DCC: variants seen among roughly 807,000 people sequenced by gnomAD.
DCC encodes the protein netrin receptor DCC.
In DCC, 58 loss-of-function variants were observed where a neutral mutation model predicts 172.5. The ratio of observed to expected loss-of-function variants is 0.34; its 90% confidence interval spans 0.27 to 0.42. The LOEUF (loss-of-function observed/expected upper bound fraction) is 0.42. Among genes scored for constraint, DCC ranks in the 10% least tolerant of loss-of-function variants. The pLI is 1.00. For missense variants in DCC, 1,740 were observed against 1,791.0 expected, an observed-to-expected ratio of 0.97 and a Z score of 0.51; for synonymous variants, 709 against 644.5, an observed-to-expected ratio of 1.10 and a Z score of -1.52.
At chr18:52,350,051 C>A (rs1163837512) in intron 1 of DCC, among the ~76,000 whole-genome samples, 1 of 152,192 alleles carries the variant, frequency 6.6e-6, no homozygotes, top group East Asian at 1.9e-4. Context: ...GAAGGACTAT[C>A]AATGCCTAAT....
In DCC at chr18:52,340,801, T is replaced by G; in HGVS notation, c.14T>G (p.Leu5Arg). The G allele has an allele frequency of 6.2e-7, 1 of 1,614,006 alleles. No individual in the cohort carries two copies. Among genetic ancestry groups the G allele is most frequent in the Non-Finnish European group, 8.5e-7 (1 of 1,179,918 alleles). Reference sequence around the variant, plus strand: ...GTTGGCTGAAATATGGAGAATAGTCTTAGATGTGTTTGGGTACCCAAGCTG... The same window carrying G: ...GTTGGCTGAAATATGGAGAATAGTCGTAGATGTGTTTGGGTACCCAAGCTG... MENS[L>R]RCVWVPKLAF... is the part of the protein sequence containing the mutation. The change falls in exon 1 of 29, where the codon CTT (leucine) becomes CGT (arginine). Residue 5 changes from leucine to arginine, a missense_variant. Around this residue, in one of 2 missense-constraint regions of DCC, gnomAD observed 1,732 missense variants for 1,767.4 expected, o/e 0.98. Coordinates refer to ENST00000442544, the MANE Select transcript of DCC (RefSeq NM_005215.4).
At chr18:52,717,883 T>C (rs1420054411) in intron 1 of DCC, among the ~76,000 whole-genome samples, 2 of 152,188 alleles carry the variant, frequency 1.3e-5, no homozygotes, top group African/African-American at 4.8e-5. Context: ...TTAGTGCCAC[T>C]GAAAGATACA....
chr18:52,381,176 A>G (rs1488485524), intron 1 of DCC, among the ~76,000 whole-genome samples: 1 of 152,156 alleles, frequency 6.6e-6, no homozygotes, highest in Admixed American at 6.5e-5. Context: ...TCAAGTTTGA[A>G]CTATAGTGAT....
chr18:52,458,711 A>G (rs948628012), intron 1 of DCC, among the ~76,000 whole-genome samples: 2 of 152,224 alleles, frequency 1.3e-5, no homozygotes, highest in East Asian at 1.9e-4. Flanking sequence ...AGATGCTGGC[A>G]TAAAAGTCTA....
At position 52,384,097 on chromosome 18, in the gene DCC, T is replaced by C. The variant is rs532935902; in HGVS notation, c.91+43219T>C. ...CCTATTTGTCTTCTCAATTATCTAATTGAGAATAATAAATTTCTTATGACT... is the reference window on the plus strand; with the variant it reads ...CCTATTTGTCTTCTCAATTATCTAACTGAGAATAATAAATTTCTTATGACT... On this transcript the variant is annotated intron_variant, in intron 1 of 28. Coordinates refer to ENST00000442544, the MANE Select transcript of DCC (RefSeq NM_005215.4). Among the ~76,000 whole-genome samples the C allele has an allele frequency of 4.6e-4, 70 of 152,250 alleles. No individual in the cohort carries two copies. In the East Asian group the frequency reaches 0.012, roughly 26 times the overall value.
chr18:53,357,874 C>A (rs1190519413), intron 15 of DCC, among the ~76,000 whole-genome samples: 1 of 152,062 alleles, frequency 6.6e-6, no homozygotes, highest in Non-Finnish European at 1.5e-5. Flanking sequence ...GCTGTATAAG[C>A]CATTCTAGAA....
chr18:53,222,383 C>CT (rs67373546), intron 12 of DCC, among the ~76,000 whole-genome samples: 36,093 of 103,922 alleles, frequency 0.35, 6,780 homozygotes, highest in Non-Finnish European at 0.45. Flanking sequence ...TTTCTTTTTT[C>CT]TTTTTTTTTT....
intron 5 of DCC, among the ~76,000 whole-genome samples, chr18:52,972,800 T>C (rs942563829): frequency 1.3e-5 from 2 of 152,188 alleles, no homozygotes; most frequent in Non-Finnish European, 2.9e-5. Flanking sequence ...ACATACTATT[T>C]ATTTGGTGCT....
At chr18:52,595,910 G>A (rs1415058981) in intron 1 of DCC, among the ~76,000 whole-genome samples, 1 of 152,116 alleles carries the variant, frequency 6.6e-6, no homozygotes, top group Non-Finnish European at 1.5e-5. Context: ...TCCACCATGA[G>A]AAATCTCAGC....
chr18:52,888,961 C>G (rs1272185169), intron 2 of DCC, among the ~76,000 whole-genome samples: 1 of 151,896 alleles, frequency 6.6e-6, no homozygotes, highest in Non-Finnish European at 1.5e-5. Context: ...GAATATTAAT[C>G]ATGCACATAA....
chr18:52,761,920 A>AAAG (rs1410121550), intron 2 of DCC, among the ~76,000 whole-genome samples: 2 of 140,086 alleles, frequency 1.4e-5, no homozygotes, highest in African/African-American at 5.4e-5. Context: ...AAAAAAAAAA[A>AAAG]AAAAAGAAAA....
chr18:52,791,470 T>C (rs1019528754), intron 2 of DCC, among the ~76,000 whole-genome samples: 2 of 148,522 alleles, frequency 1.3e-5, no homozygotes, highest in Non-Finnish European at 3.0e-5. Context: ...TTTTTGTGTT[T>C]TGTTTTTTTT....
intron 1 of DCC, among the ~76,000 whole-genome samples, chr18:52,618,784 C>T (rs1038832120): frequency 4.6e-5 from 7 of 152,142 alleles, no homozygotes; most frequent in African/African-American, 1.7e-4. Flanking sequence ...TTCAGAAGCG[C>T]CCCCAGACTT....
intron 1 of DCC, among the ~76,000 whole-genome samples, chr18:52,414,069 G>A (rs1481854627): frequency 6.6e-6 from 1 of 152,038 alleles, no homozygotes. Flanking sequence ...CCTTGAAATG[G>A]AGTTGAAATG....
At chr18:53,431,257 T>C (rs1911590791) in intron 21 of DCC, among the ~76,000 whole-genome samples, 1 of 136,696 alleles carries the variant, frequency 7.3e-6, no homozygotes, top group African/African-American at 2.6e-5. Context: ...TTTGCTTTTA[T>C]TATCAAAACT....
At chr18:52,664,336 A>T (rs1017110623) in intron 1 of DCC, among the ~76,000 whole-genome samples, 1 of 152,142 alleles carries the variant, frequency 6.6e-6, no homozygotes, top group Non-Finnish European at 1.5e-5. Flanking sequence ...ATGTTCCCTC[A>T]TCTAAGGAAG....
At chr18:52,980,149 A>G (rs766559493) in intron 5 of DCC, among the ~76,000 whole-genome samples, 1 of 152,152 alleles carries the variant, frequency 6.6e-6, no homozygotes, top group Admixed American at 6.5e-5. Flanking sequence ...AAAGATATGC[A>G]TTCTTTATTA....
At chr18:52,605,917 C>A (rs563820877) in intron 1 of DCC, among the ~76,000 whole-genome samples, 1 of 152,100 alleles carries the variant, frequency 6.6e-6, no homozygotes, top group East Asian at 1.9e-4. Context: ...GAGTAATTGT[C>A]GTATCAATTA....
intron 2 of DCC, among the ~76,000 whole-genome samples, chr18:52,827,387 C>T (rs60814581): frequency 3.7e-4 from 57 of 152,306 alleles, no homozygotes; most frequent in African/African-American, 1.3e-3. Context: ...TTTGATATAG[C>T]ATAGCTAGCA....
Sources: gnomAD v4.1 joint callset for allele counts (sites outside exome capture counted in the v4.1 genomes callset) on GRCh38, gnomAD v4.1.1 for gene constraint, gnomAD v4.1.1 regional missense constraint, MANE v1.5 for transcripts, NCBI Gene and HGNC (gene_info 2026-07-23, HGNC 2026-07-21) for gene names.